PLD1: variants seen among roughly 807,000 people sequenced by gnomAD.
PLD1 encodes the protein phospholipase D1.
PLD1 carries 112 observed loss-of-function variants against 137.1 expected under a neutral mutation model. The observed-to-expected ratio is 0.82, with a 90% CI of 0.70 to 0.96. The LOEUF (loss-of-function observed/expected upper bound fraction) is 0.96. PLD1 is among the 40% of genes least tolerant of loss of function. The probability of loss-of-function intolerance (pLI) is 0.00; values close to 1 mark genes in which losing one functional copy is unlikely to be tolerated. For missense variants in PLD1, 1,321 were observed against 1,342.0 expected (o/e 0.98, Z 0.24); for synonymous variants, 431 against 454.7 (o/e 0.95, Z 0.66).
chr3:171,789,773 C>T (rs4586847), intron 1 of PLD1: 41,959 of 152,074 alleles, frequency 0.28, 6,346 homozygotes, highest in Admixed American at 0.35. Context: ...TGATTTTAGC[C>T]GATAATGGTA....
chr3:171,768,010 CATT>C (rs36100351), intron 1 of PLD1, among the ~76,000 whole-genome samples: 116,660 of 148,826 alleles, frequency 0.78, 46,397 homozygotes, highest in Middle Eastern at 0.92. Flanking sequence ...TTTATGTGTT[CATT>C]ATTATTATTA....
intron 12 of PLD1, among the ~76,000 whole-genome samples, chr3:171,695,351 G>T (rs980487786): frequency 6.6e-6 from 1 of 152,182 alleles, no homozygotes; most frequent in Admixed American, 6.5e-5. Context: ...AGAAAGGGAC[G>T]GAAATTATTA....
intron 16 of PLD1, 128 bp from the exon 17 acceptor site, chr3:171,677,822 G>T: frequency 1.1e-6 from 1 of 888,254 alleles, no homozygotes; most frequent in Non-Finnish European, 1.7e-6. Flanking sequence ...GGTGGCATCT[G>T]TCCATTCTAT....
At chr3:171,650,629 G>A (rs952598223) in intron 21 of PLD1, among the ~76,000 whole-genome samples, 1 of 152,188 alleles carries the variant, frequency 6.6e-6, no homozygotes, top group Non-Finnish European at 1.5e-5. Flanking sequence ...ATCAGGAAGT[G>A]CCAAAACTAA....
rs145417719 is a variant in PLD1, at chr3:171,737,923, G to A, written c.129C>T (p.Asp43=). ...GTATCTTGGGATCGCTGGGAGACAC[G>A]TCGTAGTCTACCTCCTCTCCCTCAA... ...LHFEGEEVDY[D]VSPSDPKIQE... The change falls in exon 2 of 27, where the codon GAC becomes GAT. Residue 43 remains aspartate, a synonymous_variant. Transcript: ENST00000351298. The A allele has an allele frequency of 1.4e-5, 22 of 1,613,694 alleles. No individual in the cohort carries two copies. In the African/African-American group the frequency reaches 2.3e-4, roughly 17 times the overall value.
chr3:171,674,979 C>CAAAAAAAAAAAAAAAA (rs376402019), intron 18 of PLD1, among the ~76,000 whole-genome samples: 4 of 74,892 alleles, frequency 5.3e-5, no homozygotes, highest in African/African-American at 9.2e-5. Flanking sequence ...ATCTCCATCT[C>CAAAAAAAAAAAAAAAA]AAAAAAAAAA....
intron 8 of PLD1, among the ~76,000 whole-genome samples, chr3:171,715,847 A>G (rs1243724453): frequency 9.2e-5 from 14 of 152,092 alleles, no homozygotes; most frequent in Non-Finnish European, 1.5e-5. Context: ...GGTTTGGTGT[A>G]CAGATTGCTT....
rs745970604 is a variant in PLD1 at position 171,724,676 on chromosome 3, C to A, written c.758+20G>T. The A allele has an allele frequency of 6.9e-7, 1 of 1,459,010 alleles. No individual in the cohort carries two copies. The allele number at this position is 1,459,010 out of a possible 1,614,324, so 90.4% of individuals were successfully genotyped here. A position where few individuals can be genotyped will look rare whatever the true frequency, so the allele number is the denominator to read the frequency against. ...CAGTGTATTAAAACAAACAAATACA[C>A]AAAACTCACTAATTCCTACCTTTTT... On this transcript the variant is annotated intron_variant, in intron 8 of 26. Coordinates refer to ENST00000351298, the MANE Select transcript of PLD1 (RefSeq NM_002662.5).
intron 23 of PLD1, among the ~76,000 whole-genome samples, chr3:171,632,372 GC>G (rs1734739551): frequency 6.6e-6 from 1 of 152,054 alleles, no homozygotes; most frequent in African/African-American, 2.4e-5. Flanking sequence ...CTAGGAAAAA[GC>G]CTTTTTTCCT....
chr3:171,716,030 C>T (rs1232541582), intron 8 of PLD1, among the ~76,000 whole-genome samples: 1 of 151,766 alleles, frequency 6.6e-6, no homozygotes, highest in East Asian at 1.9e-4. Flanking sequence ...ATTGGGTTTC[C>T]TGTTCCTGTG....
intron 21 of PLD1, chr3:171,653,208 T>C (rs1314273934): frequency 6.6e-6 from 1 of 152,210 alleles, no homozygotes; most frequent in East Asian, 1.9e-4. Flanking sequence ...GTAACACAGG[T>C]ATAGCACTGA....
chr3:171,754,757 G>A (rs572076954), intron 1 of PLD1, among the ~76,000 whole-genome samples: 1 of 152,272 alleles, frequency 6.6e-6, no homozygotes, highest in Admixed American at 6.5e-5. Context: ...AAATATTAGT[G>A]ATATTACATC....
At chr3:171,613,975 A>G (rs1732888274) in intron 24 of PLD1, among the ~76,000 whole-genome samples, 1 of 152,210 alleles carries the variant, frequency 6.6e-6, no homozygotes, top group African/African-American at 2.4e-5. Flanking sequence ...CAGGTTGAAC[A>G]GGCACCCTGG....
In PLD1 at chr3:171,624,720, T is replaced by A. The variant is rs532877929; in HGVS notation, c.2594-4200A>T. On this transcript the variant is annotated intron_variant, in intron 23 of 26. Transcript: ENST00000351298. Reference sequence around the variant, plus strand: ...TATGCAGTGTTACGAGAAATGAAGATCTCTGTGAATTAATAGGGAGTGATT... The same window carrying A: ...TATGCAGTGTTACGAGAAATGAAGAACTCTGTGAATTAATAGGGAGTGATT... Among the ~76,000 whole-genome samples the A allele has an allele frequency of 6.6e-5, 10 of 152,214 alleles. No individual in the cohort carries two copies. The South Asian group carries it at 2.1e-3, about 32-fold the overall frequency.
At chr3:171,796,854 C>A (rs1723457246) in intron 1 of PLD1, among the ~76,000 whole-genome samples, 1 of 152,160 alleles carries the variant, frequency 6.6e-6, no homozygotes, top group Non-Finnish European at 1.5e-5. Flanking sequence ...TCATGCTCTT[C>A]TTCAGCCTAT....
At chr3:171,652,298 A>G (rs1216778919) in intron 21 of PLD1, among the ~76,000 whole-genome samples, 1 of 151,816 alleles carries the variant, frequency 6.6e-6, no homozygotes. Context: ...CTGTAGTCCC[A>G]GCTACTCGGG....
intron 1 of PLD1, among the ~76,000 whole-genome samples, chr3:171,741,346 C>A (rs1346436377): frequency 2.0e-5 from 3 of 152,192 alleles, no homozygotes; most frequent in Non-Finnish European, 4.4e-5. Context: ...TTTCATCCAA[C>A]CATTGTATTG....
intron 1 of PLD1, among the ~76,000 whole-genome samples, chr3:171,770,194 C>T (rs1269246740): frequency 6.6e-6 from 1 of 152,174 alleles, no homozygotes. Context: ...TCCATTTTTA[C>T]AGCTGTTCTT....
chr3:171,742,119 A>T (rs1368775574), intron 1 of PLD1, among the ~76,000 whole-genome samples: 1 of 152,238 alleles, frequency 6.6e-6, no homozygotes, highest in Admixed American at 6.5e-5. Flanking sequence ...GAAGCTGGTG[A>T]TCAATTTGAT....
Sources: gnomAD v4.1 joint callset for allele counts (sites outside exome capture counted in the v4.1 genomes callset) on GRCh38, gnomAD v4.1.1 for gene constraint, MANE v1.5 for transcripts, NCBI Gene and HGNC (gene_info 2026-07-23, HGNC 2026-07-21) for gene names.